PTOV1: variants seen among roughly 807,000 people sequenced by gnomAD.
PTOV1 encodes prostate tumor-overexpressed gene 1 protein.
A neutral mutation model predicts 58.0 loss-of-function variants in PTOV1; 20 were observed. The observed-to-expected ratio is 0.34, with a 90% CI of 0.24 to 0.50. The LOEUF (loss-of-function observed/expected upper bound fraction) is 0.50. Among genes scored for constraint, PTOV1 ranks in the 20% least tolerant of loss-of-function variants. The pLI, the probability that PTOV1 is intolerant of heterozygous loss-of-function variation, is 0.98. For missense variants in PTOV1, 593 were observed against 565.4 expected (o/e 1.05, Z -0.50); for synonymous variants, 335 against 234.2 (o/e 1.43, Z -3.93).
Position 49,858,045 on chromosome 19 carries a change from T to C in PTOV1, c.879-12T>C, listed in dbSNP as rs540934989. Reference sequence around the variant, plus strand: ...TGGGGCTTCCTGACCCTCGTCCCTTTGTGCCCCACAGGAGGACCGAGCAGT... The same window carrying C: ...TGGGGCTTCCTGACCCTCGTCCCTTCGTGCCCCACAGGAGGACCGAGCAGT... On this transcript the variant is annotated splice_polypyrimidine_tract_variant and intron_variant, in intron 8 of 11. Transcript: ENST00000391842. 620 of 1,614,052 alleles carry C rather than the reference T, an allele frequency of 3.8e-4. 8 individuals are homozygous for C. In the South Asian group the frequency reaches 6.4e-3, roughly 17 times the overall value.
chr19:49,857,921 C>G, exon 8 of PTOV1: 3 of 1,613,868 alleles, frequency 1.9e-6, no homozygotes, highest in African/African-American at 1.3e-5. Context: ...CTGAGCCCAA[C>G]AGTCGGTCCA....
intron 5 of PTOV1, among the ~76,000 whole-genome samples, chr19:49,855,949 G>T (rs1271855789): frequency 6.6e-6 from 1 of 152,104 alleles, no homozygotes; most frequent in African/African-American, 2.4e-5. Context: ...AGGAGGCAGG[G>T]GTGGGGTGGG....
In PTOV1 at chr19:49,858,125, G is replaced by A; in HGVS notation, c.936+11G>A. On this transcript the variant is annotated intron_variant, in intron 9 of 11. Coordinates refer to ENST00000391842, the Ensembl canonical transcript of PTOV1. Reference sequence around the variant, plus strand: ...CCGCAGCAGCTGCTGGTGAGGGGCTGGGGCCGGGTGCTGGAGCCTGCACGC... The same window carrying A: ...CCGCAGCAGCTGCTGGTGAGGGGCTAGGGCCGGGTGCTGGAGCCTGCACGC... The A allele has an allele frequency of 6.2e-7, 1 of 1,612,118 alleles. No individual in the cohort carries two copies. The highest frequency in any genetic ancestry group is 8.5e-7 in the Non-Finnish European group (1 of 1,179,672).
At chr19:49,858,728 A>G (rs777324098) in intron 10 of PTOV1, 75 bp downstream of exon 10, 41 of 1,252,956 alleles carry the variant, frequency 3.3e-5, no homozygotes, top group Admixed American at 2.0e-4. Context: ...GGGGGCGGAC[A>G]TGGGAGAGGA....
chr19:49,859,051 G>T (rs1267777936), intron 10 of PTOV1: 1 of 167,100 alleles, frequency 6.0e-6, no homozygotes, highest in Non-Finnish European at 1.3e-5. Flanking sequence ...TTATCTGGGG[G>T]AGGCTCAGCT....
At chr19:49,860,215 C>CGAGGGGG in intron 11 of PTOV1, 32 bp downstream of exon 11, 6 of 1,613,860 alleles carry the variant, frequency 3.7e-6, no homozygotes, top group Non-Finnish European at 5.1e-6. Context: ...GCTGCTCAGT[C>CGAGGGGG]TCCCTCCACC....
intron 1 of PTOV1, 187 bp downstream of exon 1, chr19:49,851,686 T>C: frequency 8.9e-7 from 1 of 1,128,020 alleles, no homozygotes; most frequent in Non-Finnish European, 1.1e-6. Context: ...CTCCCCTTTG[T>C]TGCGCGTTCG....
intron 1 of PTOV1, chr19:49,851,907 G>C (rs2122165721): frequency 6.1e-6 from 6 of 982,826 alleles, no homozygotes; most frequent in Non-Finnish European, 7.2e-6. Flanking sequence ...CCCGCGCTTT[G>C]TACCAGCGCC....
rs779882184 is a variant in PTOV1 at position 49,860,162 on chromosome 19, G to A, written c.1218G>A (p.Glu406=). ...AGCAGGTCCTGCAGCGGAACCTGGA[G>A]CAGGAGCAACAGCAACGAGGGGTGA... The change falls in exon 11 of 12, where the codon GAG becomes GAA. Residue 406 remains glutamate (E), a synonymous_variant. Coordinates refer to ENST00000391842, the Ensembl canonical transcript of PTOV1. The A allele has an allele frequency of 5.6e-6, 9 of 1,614,206 alleles. No individual in the cohort carries two copies. In the East Asian group the frequency reaches 1.8e-4, roughly 32 times the overall value.
exon 6 of PTOV1, chr19:49,856,977 G>A (rs754984081): frequency 1.8e-5 from 29 of 1,612,536 alleles, no homozygotes; most frequent in Admixed American, 3.3e-5. Context: ...CCCCGCAGGC[G>A]GGCTGCATGC....
intron 9 of PTOV1, 176 bp from the exon 10 acceptor site, chr19:49,858,373 G>A (rs2074576574): frequency 7.3e-6 from 5 of 684,546 alleles, no homozygotes; most frequent in African/African-American, 3.6e-5. Flanking sequence ...GGATCTGAGA[G>A]CGGCTTCCAC....
intron 9 of PTOV1, chr19:49,858,335 C>T (rs2074574012): frequency 4.3e-6 from 3 of 701,474 alleles, no homozygotes; most frequent in Non-Finnish European, 7.1e-6. Context: ...CAGGGGCAGC[C>T]ACGACCTGCA....
rs1237552736 is a variant in PTOV1, at chr19:49,860,536, A to G, written c.*257A>G. ...GTGGTATCCAGGCCTGGGTGGGGCCAGGCCTCTGCTCACAGGGATGTGGGG... is the reference window on the plus strand; with the variant it reads ...GTGGTATCCAGGCCTGGGTGGGGCCGGGCCTCTGCTCACAGGGATGTGGGG... On this transcript the variant is annotated 3_prime_UTR_variant, in exon 12 of 12. Coordinates refer to ENST00000391842, the Ensembl canonical transcript of PTOV1. 3.3e-5 allele frequency: 20 copies of G among 606,930 alleles called. No individual in the cohort carries two copies. In the East Asian group the frequency reaches 5.0e-4, roughly 15 times the overall value. The allele number at this position is 606,930 out of a possible 1,614,324, so 37.6% of individuals were successfully genotyped here.
chr19:49,853,023 C>G (rs2074314850), intron 1 of PTOV1: 1 of 152,204 alleles, frequency 6.6e-6, no homozygotes, highest in African/African-American at 2.4e-5. Context: ...TGACGACTGC[C>G]CAAAAGTCAG....
chr19:49,853,158 G>C (rs779023082), intron 1 of PTOV1: 3 of 152,230 alleles, frequency 2.0e-5, no homozygotes, highest in Non-Finnish European at 4.4e-5. Context: ...GTGTTTGCTA[G>C]TATTCTGGAA....
At chr19:49,858,690 C>T (rs2074594720) in intron 10 of PTOV1, 37 bp downstream of exon 10, 2 of 1,530,654 alleles carry the variant, frequency 1.3e-6, no homozygotes, top group Non-Finnish European at 1.8e-6. Context: ...AGGGGCCGGC[C>T]AGGGCAGAGC....
intron 10 of PTOV1, 143 bp from the exon 11 acceptor site, chr19:49,859,843 C>A: frequency 3.5e-6 from 3 of 858,596 alleles, no homozygotes; most frequent in Non-Finnish European, 5.5e-6. Flanking sequence ...AATAAGGGGG[C>A]CCACCTCCAG....
exon 5 of PTOV1, chr19:49,855,009 C>G (rs750745916): frequency 6.2e-7 from 1 of 1,601,276 alleles, no homozygotes; most frequent in Non-Finnish European, 8.5e-7. Flanking sequence ...CCAGTTGGCA[C>G]AGTTCCACTT....
At chr19:49,852,768 C>T (rs1156857986) in intron 1 of PTOV1, 2 of 152,176 alleles carry the variant, frequency 1.3e-5, no homozygotes, top group African/African-American at 2.4e-5. Flanking sequence ...GACTTTTACC[C>T]ATCTTTGTGG....
Sources: gnomAD v4.1 joint callset for allele counts (sites outside exome capture counted in the v4.1 genomes callset) on GRCh38, gnomAD v4.1.1 for gene constraint, MANE v1.5 for transcripts, NCBI Gene and HGNC (gene_info 2026-07-23, HGNC 2026-07-21) for gene names.